Variants in C10orf90 observed in about 807,000 individuals in gnomAD.
C10orf90 encodes the protein (E2-independent) E3 ubiquitin-conjugating enzyme FATS.
C10orf90 carries 56 observed loss-of-function variants against 62.5 expected under a neutral mutation model. That is an observed-to-expected ratio of 0.90 (90% CI 0.72 to 1.12). The LOEUF (loss-of-function observed/expected upper bound fraction) is 1.12. Among genes scored for constraint, C10orf90 ranks in the 50% most tolerant of loss-of-function variants. The probability of loss-of-function intolerance (pLI) is 0.00; values close to 1 mark genes in which losing one functional copy is unlikely to be tolerated. For missense variants in C10orf90, 970 were observed against 880.4 expected (o/e 1.10, Z -1.29); for synonymous variants, 386 against 340.4 (o/e 1.13, Z -1.47).
At chr10:126,613,778 C>G (rs1394490705) in intron 2 of C10orf90, among the ~76,000 whole-genome samples, 1 of 152,112 alleles carries the variant, frequency 6.6e-6, no homozygotes, top group African/African-American at 2.4e-5. Flanking sequence ...GACTGAAGGG[C>G]GAGGGAAACC....
chr10:126,555,540 A>C (rs1006198661), intron 2 of C10orf90, among the ~76,000 whole-genome samples: 4 of 151,330 alleles, frequency 2.6e-5, no homozygotes, highest in Non-Finnish European at 5.9e-5. Context: ...TTAGCTGGAC[A>C]TGGTGGCCTG....
At chr10:126,661,868 T>C (rs139036868) in intron 1 of C10orf90, among the ~76,000 whole-genome samples, 1 of 152,256 alleles carries the variant, frequency 6.6e-6, no homozygotes, top group African/African-American at 2.4e-5. Context: ...AATCCTTGAA[T>C]TTAAAGGGCA....
At chr10:126,530,055 A>C (rs996529693) in intron 2 of C10orf90, among the ~76,000 whole-genome samples, 40 of 152,344 alleles carry the variant, frequency 2.6e-4, no homozygotes, top group African/African-American at 9.6e-4. Context: ...GTACATTTGC[A>C]CTGGGATATA....
chr10:126,529,758 T>C (rs1256533784), intron 2 of C10orf90, among the ~76,000 whole-genome samples: 1 of 152,182 alleles, frequency 6.6e-6, no homozygotes, highest in Non-Finnish European at 1.5e-5. Context: ...CCATGTGTGA[T>C]CAGCAAGCAG....
chr10:126,461,304 C>T (rs1357835725), intron 6 of C10orf90, 97 bp downstream of exon 6: 2 of 1,402,566 alleles, frequency 1.4e-6, no homozygotes, highest in East Asian at 4.8e-5. Flanking sequence ...ATCAGGTTTC[C>T]AGCCTCAGAG....
intron 2 of C10orf90, among the ~76,000 whole-genome samples, chr10:126,544,219 T>G (rs529400029): frequency 1.3e-5 from 2 of 152,330 alleles, no homozygotes; most frequent in East Asian, 3.9e-4. Flanking sequence ...GTGACTTCTG[T>G]GACATACATT....
intron 2 of C10orf90, among the ~76,000 whole-genome samples, chr10:126,526,477 C>T (rs974880224): frequency 6.6e-6 from 1 of 152,118 alleles, no homozygotes; most frequent in African/African-American, 2.4e-5. Context: ...ATCTCCTGAC[C>T]TCGTGATCCG....
chr10:126,489,939 A>C lies in C10orf90; in HGVS notation c.1534+14018T>G, dbSNP rs541866489. Among the ~76,000 whole-genome samples the C allele has an allele frequency of 2.2e-3, 307 of 138,140 alleles. 1 individual carries two copies. The highest frequency in any genetic ancestry group is 3.0e-3 in the Non-Finnish European group (198 of 65,302). The allele number at this position is 138,140 out of a possible 152,430, so 90.6% of individuals were successfully genotyped here. The stretch of plus-strand genomic sequence containing the variant: ...ATACAATTGGAGGCTAAAGAGGGGA[A>C]TATATGCCACATATCTGTGTGTGTG... On this transcript the variant is annotated intron_variant, in intron 4 of 9. Transcript: ENST00000488181.
chr10:126,484,942 T>C (rs957248970), intron 4 of C10orf90, among the ~76,000 whole-genome samples: 1 of 152,194 alleles, frequency 6.6e-6, no homozygotes, highest in African/African-American at 2.4e-5. Context: ...GTGGCTTAAT[T>C]AAGAACTGTG....
chr10:126,572,645 A>T (rs1189989690), intron 2 of C10orf90, among the ~76,000 whole-genome samples: 1 of 152,104 alleles, frequency 6.6e-6, no homozygotes, highest in Non-Finnish European at 1.5e-5. Flanking sequence ...CTTTACTGCA[A>T]CTTGTTCTAT....
At position 126,504,119 on chromosome 10, in the gene C10orf90, G is replaced by T; in HGVS notation, c.1372C>A (p.Pro458Thr). Residue 458 changes from proline (P) to threonine (T), a missense_variant, in exon 4 of 10, where the codon CCT becomes ACT. By Grantham distance (38) the Pro-to-Thr change is conservative. Coordinates refer to ENST00000488181, the MANE Select transcript of C10orf90 (RefSeq NM_001350921.2). The surrounding 1 kb of genome is among the most constrained non-coding windows in gnomAD (Gnocchi z 4.1). ...TCCAATGGAAAAGAACCACTCCAAG[G>T]ACAAGCGCCGGTCCCCAAATGCACC... ...RRVHLGTGAC[P>T]WSGSFPLENT... The T allele has an allele frequency of 6.2e-7, 1 of 1,614,036 alleles. No homozygotes were observed. The highest frequency in any genetic ancestry group is 8.5e-7 in the Non-Finnish European group (1 of 1,180,024).
intron 2 of C10orf90, among the ~76,000 whole-genome samples, chr10:126,561,312 G>A (rs1864894963): frequency 1.3e-5 from 2 of 152,222 alleles, no homozygotes; most frequent in East Asian, 3.9e-4. Context: ...TTCTGCTCTT[G>A]GTATCATGAT....
intron 4 of C10orf90, among the ~76,000 whole-genome samples, chr10:126,472,663 T>C (rs1229596582): frequency 6.6e-6 from 1 of 152,040 alleles, no homozygotes; most frequent in Non-Finnish European, 1.5e-5. Flanking sequence ...CAATGCTGCA[T>C]GTTAAAAATT....
chr10:126,625,790 C>A (rs1221405103), intron 2 of C10orf90, among the ~76,000 whole-genome samples: 5 of 152,040 alleles, frequency 3.3e-5, no homozygotes, highest in African/African-American at 1.2e-4. Context: ...TGGATGGAGA[C>A]CTTCCACGAA....
At chr10:126,514,865 G>A (rs1284780823) in intron 2 of C10orf90, among the ~76,000 whole-genome samples, 1 of 152,072 alleles carries the variant, frequency 6.6e-6, no homozygotes, top group Admixed American at 6.6e-5. Flanking sequence ...AATGGTATGA[G>A]CGTGGAAGTA....
intron 2 of C10orf90, among the ~76,000 whole-genome samples, chr10:126,572,028 G>C (rs1283679683): frequency 6.6e-6 from 1 of 152,112 alleles, no homozygotes; most frequent in East Asian, 1.9e-4. Context: ...TTTGTCAGAG[G>C]CATTTGAACC....
chr10:126,629,560 G>A (rs1396601912), intron 2 of C10orf90, among the ~76,000 whole-genome samples: 1 of 152,166 alleles, frequency 6.6e-6, no homozygotes, highest in African/African-American at 2.4e-5. Flanking sequence ...ACATCTGAAG[G>A]GATCTATTCT....
At chr10:126,532,852 A>AAAAAAAAAAAAAAAAAAAAAAC (rs1864136052) in intron 2 of C10orf90, among the ~76,000 whole-genome samples, 1 of 82,088 alleles carries the variant, frequency 1.2e-5, no homozygotes, top group African/African-American at 3.3e-5. Context: ...CAAAAAAAAA[A>AAAAAAAAAAAAAAAAAAAAAAC]AAAAATAGTG....
At chr10:126,555,524 A>C (rs201538156) in intron 2 of C10orf90, among the ~76,000 whole-genome samples, 6 of 11,064 alleles carry the variant, frequency 5.4e-4, no homozygotes, top group East Asian at 5.7e-3. Context: ...AAAAAAAAAC[A>C]AAAAATTAGC....
Sources: allele counts gnomAD v4.1 joint callset (sites outside exome capture counted in the v4.1 genomes callset), GRCh38; gene constraint gnomAD v4.1.1; non-coding constraint Gnocchi (gnomAD v3.1); transcripts MANE v1.5; gene names NCBI Gene and HGNC (gene_info 2026-07-23, HGNC 2026-07-21).